SLC39A10: variants seen among roughly 807,000 people sequenced by gnomAD.
SLC39A10 encodes the protein zinc transporter ZIP10.
SLC39A10 carries 13 observed loss-of-function variants against 65.1 expected under a neutral mutation model. The ratio of observed to expected loss-of-function variants is 0.20; its 90% CI spans 0.13 to 0.32. The LOEUF (loss-of-function observed/expected upper bound fraction) is 0.32. Ranked by LOEUF, SLC39A10 falls within the 10% of genes least tolerant of loss-of-function variation. SLC39A10 has a pLI of 1.00. For missense variants in SLC39A10, 831 were observed against 1,018.4 expected, an observed-to-expected ratio of 0.82 and a Z score of 2.50; for synonymous variants, 321 against 342.2, an observed-to-expected ratio of 0.94 and a Z score of 0.68.
intron 2 of SLC39A10, among the ~76,000 whole-genome samples, chr2:195,647,023 C>T (rs1688936349): frequency 1.3e-5 from 2 of 152,156 alleles, no homozygotes; most frequent in Non-Finnish European, 2.9e-5. Context: ...TTCTCTTTAT[C>T]TTCCTCTGAC....
At chr2:195,646,901 T>C (rs1688931504) in intron 2 of SLC39A10, among the ~76,000 whole-genome samples, 1 of 152,146 alleles carries the variant, frequency 6.6e-6, no homozygotes, top group Non-Finnish European at 1.5e-5. Flanking sequence ...CTGCCATCTG[T>C]GGAAAAAGTG....
chr2:195,680,141 TGAA>T lies in SLC39A10; in HGVS notation c.101_103del (p.Glu34del). 6.2e-7 allele frequency: 1 copy of T among 1,614,128 alleles called. No homozygotes were observed. The highest frequency in any genetic ancestry group is 8.5e-7 in the Non-Finnish European group (1 of 1,180,032). ...GCCATGAAGAACATGACCATGGCCCTGAAGCGCTTCACAGACAGCATCGTGGAA... is the reference window on the plus strand; with the variant it reads ...GCCATGAAGAACATGACCATGGCCCTGCGCTTCACAGACAGCATCGTGGAA... On this transcript the variant is annotated inframe_deletion, in exon 2 of 10. Transcript: ENST00000359634.
In SLC39A10 at chr2:195,683,707, C is replaced by T. The variant is rs748660871; in HGVS notation, c.1017C>T (p.Asn339=). ...TATCACTTTCCTTGCAGTGTTTGAA[C>T]GTCACTCAGTTATTAAAATACTATG... is the stretch of plus-strand genomic sequence containing the variant. ...NEDDHHHECL[N]VTQLLKYYGH... is the part of the protein sequence containing the mutation. Residue 339 remains asparagine (N), a synonymous_variant, in exon 3 of 10, where the codon AAC becomes AAT. Coordinates refer to ENST00000359634, the MANE Select transcript of SLC39A10 (RefSeq NM_020342.3). 1.2e-5 allele frequency: 19 copies of T among 1,612,016 alleles called. No homozygotes were observed. The highest frequency in any genetic ancestry group is 5.0e-5 in the Admixed American group (3 of 59,984).
At chr2:195,635,708 C>CT (rs61132041) in intron 2 of SLC39A10, among the ~76,000 whole-genome samples, 119,088 of 141,824 alleles carry the variant, frequency 0.84, 50,079 homozygotes, top group Non-Finnish European at 0.87. Flanking sequence ...ACCCCCCCCA[C>CT]TTTTTTTTTT....
intron 2 of SLC39A10, among the ~76,000 whole-genome samples, chr2:195,636,155 A>G (rs1403517156): frequency 6.6e-6 from 1 of 152,224 alleles, no homozygotes; most frequent in Non-Finnish European, 1.5e-5. Context: ...CTATTAAAAT[A>G]TTTCTTCCTC....
At chr2:195,699,603 G>A (rs1366170432) in intron 3 of SLC39A10, among the ~76,000 whole-genome samples, 1 of 151,992 alleles carries the variant, frequency 6.6e-6, no homozygotes, top group Non-Finnish European at 1.5e-5. Flanking sequence ...TTTTACTTCA[G>A]TAGTTGATTT....
chr2:195,657,509 C>G (rs1211589918), intron 1 of SLC39A10: 1 of 985,312 alleles, frequency 1.0e-6, no homozygotes, highest in African/African-American at 1.7e-5. Flanking sequence ...GGCGCCGCGG[C>G]TCCTCGTGTG....
intron 2 of SLC39A10, among the ~76,000 whole-genome samples, chr2:195,642,034 C>T (rs987122100): frequency 6.6e-6 from 1 of 152,096 alleles, no homozygotes; most frequent in Admixed American, 6.6e-5. Context: ...AATTAATCTG[C>T]AGAGATAATA....
intron 3 of SLC39A10, among the ~76,000 whole-genome samples, chr2:195,688,714 G>T (rs1485763133): frequency 1.4e-4 from 21 of 152,186 alleles, no homozygotes; most frequent in Non-Finnish European, 1.5e-5. Context: ...GGGAAATCTA[G>T]CTTTTTACTC....
chr2:195,716,499 AAAT>A, intron 6 of SLC39A10, 135 bp from the exon 7 acceptor site: 3 of 701,518 alleles, frequency 4.3e-6, no homozygotes, highest in Non-Finnish European at 6.5e-6. Context: ...AATGGCTTCT[AAAT>A]AATTTTAGGA....
At chr2:195,724,740 A>G (rs1056131909) in intron 8 of SLC39A10, among the ~76,000 whole-genome samples, 3 of 152,154 alleles carry the variant, frequency 2.0e-5, no homozygotes, top group Non-Finnish European at 4.4e-5. Context: ...ATTTTTTCCT[A>G]TAGACACAGT....
chr2:195,662,955 T>C (rs1372987111), intron 1 of SLC39A10, among the ~76,000 whole-genome samples: 1 of 152,244 alleles, frequency 6.6e-6, no homozygotes, highest in Non-Finnish European at 1.5e-5. Flanking sequence ...GCTTTTTGTC[T>C]CTTTCCGCTT....
At chr2:195,624,152 G>A (rs1410288033) in intron 2 of SLC39A10, among the ~76,000 whole-genome samples, 1 of 152,072 alleles carries the variant, frequency 6.6e-6, no homozygotes, top group African/African-American at 2.4e-5. Context: ...TTGGGAGGCC[G>A]AGGCGGGTGA....
chr2:195,707,013 T>C (rs1225739715), intron 4 of SLC39A10, among the ~76,000 whole-genome samples: 1 of 152,172 alleles, frequency 6.6e-6, no homozygotes, highest in Non-Finnish European at 1.5e-5. Context: ...AAAAAACTCA[T>C]TGGATTAAAA....
At chr2:195,640,517 T>C (rs1271062638) in intron 2 of SLC39A10, among the ~76,000 whole-genome samples, 1 of 152,114 alleles carries the variant, frequency 6.6e-6, no homozygotes, top group Non-Finnish European at 1.5e-5. Flanking sequence ...CAGGGAGTAA[T>C]GTAAACGTTA....
chr2:195,685,214 C>T (rs779959481), intron 3 of SLC39A10, among the ~76,000 whole-genome samples: 2 of 151,980 alleles, frequency 1.3e-5, no homozygotes, highest in Non-Finnish European at 2.9e-5. Flanking sequence ...TCTGATGAAA[C>T]CTCTGAGTAT....
At chr2:195,715,486 A>G (rs1325749917) in intron 6 of SLC39A10, among the ~76,000 whole-genome samples, 2 of 142,906 alleles carry the variant, frequency 1.4e-5, no homozygotes, top group African/African-American at 5.2e-5. Context: ...AGATCGCGCC[A>G]TTGCGCTCCA....
chr2:195,687,714 A>G (rs964079316), intron 3 of SLC39A10, among the ~76,000 whole-genome samples: 3 of 152,200 alleles, frequency 2.0e-5, no homozygotes, highest in Admixed American at 2.0e-4. Context: ...TGTTCTATAT[A>G]AATCTCCCAT....
At chr2:195,725,363 A>G (rs189245345) in intron 8 of SLC39A10, among the ~76,000 whole-genome samples, 82 of 152,300 alleles carry the variant, frequency 5.4e-4, no homozygotes, top group Non-Finnish European at 2.1e-4. Context: ...TGGACAATAC[A>G]TATCTGACAA....
Sources: gnomAD v4.1 joint callset for allele counts (sites outside exome capture counted in the v4.1 genomes callset) on GRCh38, gnomAD v4.1.1 for gene constraint, MANE v1.5 for transcripts, NCBI Gene and HGNC (gene_info 2026-07-23, HGNC 2026-07-21) for gene names.